Variants in ADGRG1 observed in about 807,000 individuals in gnomAD.
ADGRG1 encodes 7-transmembrane protein with no EGF-like N-terminal domains-1.
A neutral mutation model predicts 73.5 loss-of-function variants in ADGRG1; 53 were observed. The ratio of observed to expected loss-of-function variants is 0.72; its 90% CI spans 0.58 to 0.91. ADGRG1 has a LOEUF of 0.91. Among genes scored for constraint, ADGRG1 ranks in the 40% least tolerant of loss-of-function variants. The pLI is 0.00. For missense variants in ADGRG1, 795 were observed against 871.8 expected (o/e 0.91, Z 1.11); for synonymous variants, 394 against 374.4 (o/e 1.05, Z -0.60).
At chr16:57,657,539 A>C (rs763680656) in intron 10 of ADGRG1, 48 bp downstream of exon 10, 5 of 1,358,850 alleles carry the variant, frequency 3.7e-6, no homozygotes, top group Non-Finnish European at 5.3e-6. Context: ...TCCATTGCAC[A>C]CACCTCCACC....
At chr16:57,645,110 C>A in intron 1 of ADGRG1, 1 of 984,902 alleles carries the variant, frequency 1.0e-6, no homozygotes, top group Non-Finnish European at 1.2e-6. Context: ...TCATCCTCAC[C>A]CTGCCGCCCG....
rs570072963 is a variant in ADGRG1, at chr16:57,639,670, G to A, written c.-35-10583G>A. On this transcript the variant is annotated intron_variant, in intron 1 of 13. Coordinates refer to ENST00000562631, the MANE Select transcript of ADGRG1 (RefSeq NM_201525.4). The stretch of plus-strand genomic sequence containing the variant: ...CTGCCTGATGCCACAAAGGAGTCCA[G>A]GTACGATTCTCCCGCCTCCTCTCCC... 37 of 985,574 alleles carry A rather than the reference G, an allele frequency of 3.8e-5. No homozygotes were observed. The African/African-American group carries it at 6.3e-4, about 17-fold the overall frequency. 61.1% of individuals were successfully genotyped at this position (985,574 alleles called of 1,614,324 possible).
At chr16:57,660,607 A>G in intron 11 of ADGRG1, 161 bp from the exon 12 acceptor site, 1 of 929,212 alleles carries the variant, frequency 1.1e-6, no homozygotes, top group Non-Finnish European at 1.3e-6. Flanking sequence ...GGGGAGGGGG[A>G]GGGTCCAAAC....
intron 1 of ADGRG1, chr16:57,641,099 C>A: frequency 3.1e-6 from 3 of 958,950 alleles, no homozygotes; most frequent in East Asian, 1.1e-4. Flanking sequence ...CATCCTGAAG[C>A]CTGCGGGAGC....
chr16:57,659,400 C>T lies in ADGRG1; in HGVS notation c.1287-13C>T. 4.3e-6 allele frequency: 7 copies of T among 1,613,308 alleles called. No homozygotes were observed. The South Asian group carries it at 6.6e-5, about 15-fold the overall frequency. ...TTCCCACACTGGCCCACCAGGGTGC[C>T]CCTGCCGTGCAGGAGGAAACCTCGG... On this transcript the variant is annotated splice_polypyrimidine_tract_variant and intron_variant, in intron 10 of 13. Coordinates refer to ENST00000562631, the MANE Select transcript of ADGRG1 (RefSeq NM_201525.4).
At chr16:57,637,210 C>A in intron 1 of ADGRG1, 2 of 581,324 alleles carry the variant, frequency 3.4e-6, no homozygotes, top group African/African-American at 2.0e-5. Context: ...AGTTCTCTGA[C>A]TTACAAAATG....
At chr16:57,638,746 G>A (rs532805256) in intron 1 of ADGRG1, among the ~76,000 whole-genome samples, 2 of 152,286 alleles carry the variant, frequency 1.3e-5, no homozygotes, top group East Asian at 3.9e-4. Flanking sequence ...GCATAATTTG[G>A]TTACTGGGTG....
At chr16:57,634,424 A>G in intron 1 of ADGRG1, 3 of 985,440 alleles carry the variant, frequency 3.0e-6, no homozygotes, top group South Asian at 4.7e-5. Context: ...CAAACAGTTC[A>G]GGGGCGACTC....
At chr16:57,656,024 C>T (rs577186122) in intron 7 of ADGRG1, 32 bp downstream of exon 7, 32 of 1,613,704 alleles carry the variant, frequency 2.0e-5, no homozygotes, top group African/African-American at 4.0e-5. Flanking sequence ...AGAGAACAAG[C>T]GCCCCTCGGC....
upstream of ADGRG1, chr16:57,627,967 G>A (rs1443348813): frequency 4.1e-6 from 4 of 983,324 alleles, no homozygotes; most frequent in East Asian, 3.4e-4. Flanking sequence ...GATTAAAGGA[G>A]GCCGTTTCCA....
Position 57,630,343 on chromosome 16 carries a change from A to G in ADGRG1, c.-36+1541A>G, listed in dbSNP as rs1237980915. The G allele has an allele frequency of 1.0e-5, 10 of 982,164 alleles. No homozygotes were observed. The African/African-American group carries it at 1.4e-4, about 14-fold the overall frequency. 60.8% of individuals were successfully genotyped at this position (982,164 alleles called of 1,614,324 possible). A position where few individuals can be genotyped will look rare whatever the true frequency, so the allele number is the denominator to read the frequency against. ...TTTCCTGCCAATGTCCAGGTGTGGA[A>G]TGAGCTCTTAGGGCCAGACCTGACC... is the stretch of plus-strand genomic sequence containing the variant. On this transcript the variant is annotated intron_variant, in intron 1 of 13. Coordinates refer to ENST00000562631, the MANE Select transcript of ADGRG1 (RefSeq NM_201525.4).
Position 57,659,674 on chromosome 16 carries a change from G to C in ADGRG1, c.1548G>C (p.Met516Ile), listed in dbSNP as rs1393264952. 3.7e-6 allele frequency: 6 copies of C among 1,613,670 alleles called. No individual in the cohort carries two copies. Among genetic ancestry groups the C allele is most frequent in the Non-Finnish European group, 5.1e-6 (6 of 1,179,974 alleles). Residue 516 changes from methionine to isoleucine, a missense_variant, in exon 11 of 14, where the codon ATG (methionine) becomes ATC (isoleucine). Coordinates refer to ENST00000562631, the MANE Select transcript of ADGRG1 (RefSeq NM_201525.4). ...GCTACCTACTCAAGCTGAGCGCCATGGGCTGGGGTAAGTGGTTGGGCGGGG... is the reference window on the plus strand; with the variant it reads ...GCTACCTACTCAAGCTGAGCGCCATCGGCTGGGGTAAGTGGTTGGGCGGGG... ...VPGYLLKLSAMGWGFPIFLVT... is the reference protein window; with the variant it reads ...VPGYLLKLSAIGWGFPIFLVT...
At chr16:57,650,097 G>A (rs1180277501) in intron 1 of ADGRG1, 156 bp from the exon 2 acceptor site, 13 of 980,460 alleles carry the variant, frequency 1.3e-5, no homozygotes, top group Admixed American at 6.1e-5. Flanking sequence ...CTTGGGGAGC[G>A]GCCTCTGGCC....
chr16:57,625,264 G>A (rs749415240), upstream of ADGRG1, among the ~76,000 whole-genome samples: 33 of 152,162 alleles, frequency 2.2e-4, no homozygotes, highest in Non-Finnish European at 3.5e-4. Flanking sequence ...TGGGAAGCAG[G>A]GGGGACCTGT....
rs2037685202 is a variant in ADGRG1 at position 57,630,916 on chromosome 16, T to C, written c.-36+2114T>C. The C allele has an allele frequency of 1.0e-5, 10 of 969,032 alleles. No individual in the cohort carries two copies. In the South Asian group the frequency reaches 4.8e-4, roughly 46 times the overall value. 60.0% of individuals were successfully genotyped at this position (969,032 alleles called of 1,614,324 possible). A position where few individuals can be genotyped will look rare whatever the true frequency, so the allele number is the denominator to read the frequency against. On this transcript the variant is annotated intron_variant, in intron 1 of 13. Coordinates refer to ENST00000562631, the MANE Select transcript of ADGRG1 (RefSeq NM_201525.4). ...GGAGGGTGATACCGGACCCCTGGCA[T>C]GGGTCATTTCATGGGACTTGATGAG... is the stretch of plus-strand genomic sequence containing the variant.
chr16:57,640,651 C>T (rs552255096), intron 1 of ADGRG1, among the ~76,000 whole-genome samples: 14 of 152,330 alleles, frequency 9.2e-5, no homozygotes, highest in Admixed American at 6.5e-4. Flanking sequence ...CTTCCCTGGA[C>T]GGGGCCCAGG....
upstream of ADGRG1, chr16:57,628,269 G>A: frequency 1.2e-6 from 1 of 819,844 alleles, no homozygotes; most frequent in Non-Finnish European, 1.5e-6. Context: ...GCATCCAAGG[G>A]CCCTGTTGCC....
At chr16:57,634,869 A>G in intron 1 of ADGRG1, 1 of 667,910 alleles carries the variant, frequency 1.5e-6, no homozygotes, top group Non-Finnish European at 1.9e-6. Context: ...GCATCAGGCC[A>G]TGCTTGTGGG....
chr16:57,627,777 C>G (rs1478549124), upstream of ADGRG1: 1 of 985,166 alleles, frequency 1.0e-6, no homozygotes, highest in East Asian at 1.1e-4. Context: ...TGTGAGTTAT[C>G]CAAAGCCTCC....
Sources: allele counts gnomAD v4.1 joint callset (sites outside exome capture counted in the v4.1 genomes callset), GRCh38; gene constraint gnomAD v4.1.1; transcripts MANE v1.5; gene names NCBI Gene and HGNC (gene_info 2026-07-23, HGNC 2026-07-21).